Variants in TRERF1 observed in about 807,000 individuals in gnomAD.
TRERF1 encodes transcriptional regulating factor 1, also known as transcriptional-regulating factor 1.
Under a neutral mutation model 122.9 loss-of-function variants are expected in TRERF1, and 27 were observed. That is an observed-to-expected ratio of 0.22 (90% confidence interval 0.16 to 0.30). The LOEUF (loss-of-function observed/expected upper bound fraction) is 0.30. TRERF1 is among the 10% of genes least tolerant of loss of function. The pLI is 1.00. For missense variants in TRERF1, 1,248 were observed against 1,560.3 expected, an observed-to-expected ratio of 0.80 and a Z score of 3.37; for synonymous variants, 636 against 641.7, an observed-to-expected ratio of 0.99 and a Z score of 0.13.
intron 2 of TRERF1, among the ~76,000 whole-genome samples, chr6:42,402,505 T>C (rs1437869101): frequency 6.6e-6 from 1 of 152,302 alleles, no homozygotes; most frequent in Admixed American, 6.5e-5. Flanking sequence ...TACCCAGCTC[T>C]TAGGGACTGA....
rs754005772 is a variant in TRERF1 at position 42,228,467 on chromosome 6, T to C, written c.3481A>G (p.Ile1161Val). 1 of 1,614,090 alleles carries C rather than the reference T, an allele frequency of 6.2e-7. No individual in the cohort carries two copies. The highest frequency in any genetic ancestry group is 8.5e-7 in the Non-Finnish European group (1 of 1,180,036). The change falls in exon 18 of 18, where the codon ATC (isoleucine) becomes GTC (valine). Residue 1161 changes from isoleucine to valine, a missense_variant. Around this residue, in one of 5 missense-constraint regions of TRERF1, gnomAD observed 84 missense variants for 116.0 expected, o/e 0.72. Transcript: ENST00000372922. This position sits in a 1 kb window ranked among gnomAD's most constrained non-coding sequence, Gnocchi z 4.2. ...TGCTGGACGACGTCGTCGTCGAGGA[T>C]GTCCACATCCTTGATGGGTTTGATC...
chr6:42,425,462 T>C (rs1783480140), intron 2 of TRERF1, among the ~76,000 whole-genome samples: 1 of 139,014 alleles, frequency 7.2e-6, no homozygotes, highest in African/African-American at 2.7e-5. Flanking sequence ...CAGAGTCAAA[T>C]CAAGTCCAGT....
intron 2 of TRERF1, among the ~76,000 whole-genome samples, chr6:42,413,874 T>TA (rs1781469277): frequency 6.6e-6 from 1 of 152,050 alleles, no homozygotes; most frequent in African/African-American, 2.4e-5. Context: ...AAAATACAAG[T>TA]AACAAGAATG....
At chr6:42,273,202 T>C (rs988777197) in intron 4 of TRERF1, among the ~76,000 whole-genome samples, 2 of 152,086 alleles carry the variant, frequency 1.3e-5, no homozygotes, top group Non-Finnish European at 2.9e-5. Flanking sequence ...GACTACTCTC[T>C]TCCGCTTGTA....
intron 2 of TRERF1, among the ~76,000 whole-genome samples, chr6:42,428,240 T>C (rs2151632106): frequency 6.6e-6 from 1 of 152,218 alleles, no homozygotes; most frequent in Admixed American, 6.5e-5. Flanking sequence ...CGGAAAACAA[T>C]TGTAGGCTCA....
At chr6:42,376,234 G>A (rs368359203) in intron 2 of TRERF1, among the ~76,000 whole-genome samples, 30 of 152,274 alleles carry the variant, frequency 2.0e-4, no homozygotes, top group African/African-American at 5.5e-4. Context: ...AAAATTAAAC[G>A]TTCATTCCTC....
In TRERF1 at chr6:42,259,371, G is replaced by C; in HGVS notation, c.2237C>G (p.Thr746Arg). The C allele has an allele frequency of 6.6e-7, 1 of 1,517,814 alleles. No individual in the cohort carries two copies. Among genetic ancestry groups the C allele is most frequent in the Non-Finnish European group, 8.7e-7 (1 of 1,143,554 alleles). 94.0% of individuals were successfully genotyped at this position (1,517,814 alleles called of 1,614,324 possible). Residue 746 changes from threonine (T) to arginine (R), a missense_variant, in exon 9 of 18, where the codon ACG becomes AGG. Thr to Arg is a moderately conservative substitution (Grantham distance 71, BLOSUM62 -1). This residue lies in a region of TRERF1 where 946 missense variants were observed against 1,073.0 expected (regional missense o/e 0.88). Coordinates refer to ENST00000372922, the Ensembl canonical transcript of TRERF1. This position sits in a 1 kb window ranked among gnomAD's most constrained non-coding sequence, Gnocchi z 4.9. ...ACACAGCAGCACCCGTGGTGTGGGC[G>C]TCAGGGGCGTCAGGGGCAGCTGCGG... is the stretch of plus-strand genomic sequence containing the variant.
At chr6:42,329,473 C>G (rs931986485) in intron 3 of TRERF1, among the ~76,000 whole-genome samples, 2 of 152,112 alleles carry the variant, frequency 1.3e-5, no homozygotes, top group African/African-American at 4.8e-5. Flanking sequence ...CCAGGACCAA[C>G]CTCCCACCCT....
At chr6:42,262,501 G>GAC (rs1778262121) in intron 8 of TRERF1, among the ~76,000 whole-genome samples, 1 of 17,958 alleles carries the variant, frequency 5.6e-5, no homozygotes. Context: ...GAGAGAGAGA[G>GAC]AGAGAGAGAG....
At chr6:42,349,825 A>G (rs1418668668) in intron 3 of TRERF1, among the ~76,000 whole-genome samples, 5 of 152,152 alleles carry the variant, frequency 3.3e-5, no homozygotes, top group Admixed American at 2.6e-4. Flanking sequence ...GAGGAACAAT[A>G]CCAATATCCC....
chr6:42,418,270 T>C (rs112304507), intron 2 of TRERF1, among the ~76,000 whole-genome samples: 35 of 100,368 alleles, frequency 3.5e-4, no homozygotes, highest in Non-Finnish European at 4.7e-4. Context: ...TTCTTTCTTT[T>C]TTTTTTTTTT....
rs759412239 is a variant in TRERF1 at position 42,232,827 on chromosome 6, G to C, written c.3132C>G (p.Thr1044=). 2.5e-6 allele frequency: 4 copies of C among 1,612,334 alleles called. No individual in the cohort carries two copies. In the East Asian group the frequency reaches 8.9e-5, roughly 36 times the overall value. Residue 1044 remains threonine (T), a synonymous_variant, in exon 17 of 18, where the codon ACC becomes ACG. Transcript: ENST00000372922. The surrounding 1 kb of genome is among the most constrained non-coding windows in gnomAD (Gnocchi z 4.5). ...CAGAGGGGATGGCACCTCGGGCCTT[G>C]GTCACCTGGTTGGTGCCCCCGTGGA...
chr6:42,264,631 C>A, intron 7 of TRERF1, 73 bp downstream of exon 7: 1 of 1,573,610 alleles, frequency 6.4e-7, no homozygotes, highest in South Asian at 1.2e-5. Context: ...TCACATCACT[C>A]TCTGTCTGAC....
chr6:42,310,182 C>A (rs1406559444), intron 3 of TRERF1, among the ~76,000 whole-genome samples: 1 of 152,208 alleles, frequency 6.6e-6, no homozygotes, highest in African/African-American at 2.4e-5. Context: ...CAGCTCACTG[C>A]AGCCTCTAAC....
intron 3 of TRERF1, among the ~76,000 whole-genome samples, chr6:42,355,658 T>C (rs1770391303): frequency 6.6e-6 from 1 of 152,264 alleles, no homozygotes; most frequent in African/African-American, 2.4e-5. Context: ...GGCCTTTTTA[T>C]ATCTTAAAAT....
At chr6:42,226,540 A>AC (rs575434952) in exon 18 of TRERF1, 128,506 of 151,742 alleles carry the variant, frequency 0.85, 54,472 homozygotes, top group East Asian at 0.92. Context: ...AGCAAATGAA[A>AC]CTTTTTTCCC....
chr6:42,334,017 ACACACACACG>A (rs534230331), intron 3 of TRERF1, among the ~76,000 whole-genome samples: 1,867 of 151,726 alleles, frequency 0.012, 33 homozygotes, highest in African/African-American at 0.041. Context: ...ACACACACAC[ACACACACACG>A]TATGTACACA....
intron 4 of TRERF1, among the ~76,000 whole-genome samples, chr6:42,279,779 T>A (rs1224564649): frequency 1.3e-5 from 2 of 152,002 alleles, no homozygotes; most frequent in South Asian, 4.2e-4. Context: ...TGAGCTATAC[T>A]CCCGAGCAGA....
intron 12 of TRERF1, 130 bp from the exon 13 acceptor site, chr6:42,255,056 C>T: frequency 1.3e-6 from 1 of 777,054 alleles, no homozygotes; most frequent in South Asian, 1.5e-5. Flanking sequence ...GAAGGAAACC[C>T]AGAGGGAGAC....
Sources: gnomAD v4.1 joint callset for allele counts (sites outside exome capture counted in the v4.1 genomes callset) on GRCh38, gnomAD v4.1.1 for gene constraint, gnomAD v4.1.1 regional missense constraint, Gnocchi (gnomAD v3.1) non-coding constraint, MANE v1.5 for transcripts, NCBI Gene and HGNC (gene_info 2026-07-23, HGNC 2026-07-21) for gene names.